Variants in RELL1 observed in about 807,000 individuals in gnomAD.
The protein encoded by RELL1 is RELT-like protein 1.
RELL1 carries 10 observed loss-of-function variants against 23.0 expected under a neutral mutation model. That is an observed-to-expected ratio of 0.43 (90% CI 0.27 to 0.74). The LOEUF (loss-of-function observed/expected upper bound fraction) is 0.74. RELL1 is among the 30% of genes least tolerant of loss of function. The pLI is 0.19. For missense variants in RELL1, 315 were observed against 364.4 expected (o/e 0.86, Z 1.10); for synonymous variants, 146 against 146.8 (o/e 0.99, Z 0.04).
At chr4:37,684,966 G>GA (rs959474584) in intron 1 of RELL1, among the ~76,000 whole-genome samples, 31 of 149,144 alleles carry the variant, frequency 2.1e-4, no homozygotes, top group African/African-American at 3.4e-4. Flanking sequence ...ATAAGGAAAA[G>GA]AAAAAAAAAA....
At chr4:37,633,630 C>A (rs929505269) in intron 5 of RELL1, among the ~76,000 whole-genome samples, 2 of 152,094 alleles carry the variant, frequency 1.3e-5, no homozygotes, top group Non-Finnish European at 2.9e-5. Context: ...AACAGCCCTG[C>A]AAGTCTTCTC....
intron 1 of RELL1, among the ~76,000 whole-genome samples, chr4:37,670,625 C>A (rs922805197): frequency 3.3e-5 from 5 of 150,198 alleles, no homozygotes; most frequent in Non-Finnish European, 7.4e-5. Flanking sequence ...GGCTGGAGTG[C>A]AGTGGTGTGA....
At chr4:37,645,775 T>C (rs970105991) in intron 3 of RELL1, among the ~76,000 whole-genome samples, 1 of 152,238 alleles carries the variant, frequency 6.6e-6, no homozygotes, top group Admixed American at 6.5e-5. Flanking sequence ...AGATTACGTA[T>C]ATAAAGCACC....
downstream of RELL1, chr4:37,590,554 T>C (rs752124793): frequency 5.0e-6 from 8 of 1,614,050 alleles, no homozygotes; most frequent in East Asian, 1.1e-4. Flanking sequence ...CAGAGCTCCT[T>C]CTGAGGCAGA....
downstream of RELL1, chr4:37,590,325 A>T: frequency 1.9e-6 from 3 of 1,613,728 alleles, no homozygotes; most frequent in Non-Finnish European, 2.5e-6. Context: ...GGGACGCTGG[A>T]GGGGAACACC....
chr4:37,660,927 A>C (rs1415468070), intron 1 of RELL1, among the ~76,000 whole-genome samples: 1 of 151,636 alleles, frequency 6.6e-6, no homozygotes, highest in Non-Finnish European at 1.5e-5. Flanking sequence ...GCTACTCGGG[A>C]GGCTGAGGCA....
At chr4:37,593,801 C>T (rs1464073781) in intron 6 of RELL1, among the ~76,000 whole-genome samples, 1 of 152,160 alleles carries the variant, frequency 6.6e-6, no homozygotes, top group East Asian at 1.9e-4. Context: ...TGTGTACATT[C>T]AGTGTGACAC....
intron 5 of RELL1, among the ~76,000 whole-genome samples, chr4:37,633,408 CAAAAAAAAAAAAAAAAAAAAA>C (rs57256942): frequency 6.4e-5 from 4 of 62,990 alleles, no homozygotes; most frequent in Non-Finnish European, 1.2e-4. Context: ...GACTCCACCT[CAAAAAAAAAAAAAAAAAAAAA>C]AAAAAAAAAA....
At chr4:37,669,973 C>G (rs1372875521) in intron 1 of RELL1, among the ~76,000 whole-genome samples, 2 of 151,114 alleles carry the variant, frequency 1.3e-5, no homozygotes, top group Non-Finnish European at 2.9e-5. Flanking sequence ...GACCTTCCCT[C>G]CACTATTGTC....
At chr4:37,590,727 G>T (rs138114150), downstream of RELL1, 5 of 1,614,154 alleles carry the variant, frequency 3.1e-6, no homozygotes, top group East Asian at 4.5e-5. Flanking sequence ...AGCCCCCAGT[G>T]GGGGAGCATG....
chr4:37,673,880 C>T (rs1294463001), intron 1 of RELL1, among the ~76,000 whole-genome samples: 1 of 152,228 alleles, frequency 6.6e-6, no homozygotes, highest in Non-Finnish European at 1.5e-5. Flanking sequence ...AGTCTCCCCT[C>T]TGCAGCCTCA....
intron 1 of RELL1, among the ~76,000 whole-genome samples, chr4:37,676,140 C>G (rs1044940042): frequency 6.6e-6 from 1 of 152,134 alleles, no homozygotes; most frequent in Non-Finnish European, 1.5e-5. Context: ...CCAACCCCAG[C>G]CCTAGGTTAG....
In RELL1 at chr4:37,611,826, G is replaced by C. The variant is rs1719392089; in HGVS notation, c.*1520C>G. Among the ~76,000 whole-genome samples the C allele has an allele frequency of 6.6e-6, 1 of 152,148 alleles. No individual in the cohort carries two copies. Among genetic ancestry groups the C allele is most frequent in the Non-Finnish European group, 1.5e-5 (1 of 68,022 alleles). On this transcript the variant is annotated 3_prime_UTR_variant, in exon 7 of 7. Coordinates refer to ENST00000454158, the MANE Select transcript of RELL1 (RefSeq NM_001085400.2). ...AGCATTAGTTACAGGATGAAAAACA[G>C]GAAATACACAAAGAAAAACATGCCA...
intron 6 of RELL1, among the ~76,000 whole-genome samples, chr4:37,599,220 A>C (rs1171217079): frequency 6.6e-6 from 1 of 152,240 alleles, no homozygotes; most frequent in African/African-American, 2.4e-5. Flanking sequence ...CTGCTGCCCA[A>C]CGTGCCGCAA....
In RELL1 at chr4:37,611,998, A is replaced by AC. The variant is rs1237758762; in HGVS notation, c.*1347dup. ...AGACCATCTTCGCTAATGCGGTGAA[A>AC]CCCCGTCTCTCCTAAAAATACAAAA... On this transcript the variant is annotated 3_prime_UTR_variant, in exon 7 of 7. Coordinates refer to ENST00000454158, the MANE Select transcript of RELL1 (RefSeq NM_001085400.2). Among the ~76,000 whole-genome samples the AC allele has an allele frequency of 1.3e-5, 2 of 150,954 alleles. No homozygotes were observed. The highest frequency in any genetic ancestry group is 2.4e-5 in the African/African-American group (1 of 40,988).
At chr4:37,653,390 C>A (rs868259373) in intron 1 of RELL1, among the ~76,000 whole-genome samples, 22 of 145,018 alleles carry the variant, frequency 1.5e-4, no homozygotes, top group Admixed American at 4.7e-4. Context: ...AGTATTGAAA[C>A]CTCAATATTC....
In RELL1 at chr4:37,612,103, G is replaced by C. The variant is rs1719406253; in HGVS notation, c.*1243C>G. The stretch of plus-strand genomic sequence containing the variant: ...GAGGCAGGAGAATGGCGTGAACTCA[G>C]AAGGTGGAGCTTGCAGTGAGCTGAG... On this transcript the variant is annotated 3_prime_UTR_variant, in exon 7 of 7. Coordinates refer to ENST00000454158, the MANE Select transcript of RELL1 (RefSeq NM_001085400.2). Among the ~76,000 whole-genome samples the C allele has an allele frequency of 6.9e-6, 1 of 143,994 alleles. No individual in the cohort carries two copies. The allele number at this position is 143,994 out of a possible 152,430, so 94.5% of individuals were successfully genotyped here.
At chr4:37,676,180 G>A (rs1722019939) in intron 1 of RELL1, among the ~76,000 whole-genome samples, 1 of 152,070 alleles carries the variant, frequency 6.6e-6, no homozygotes, top group African/African-American at 2.4e-5. Flanking sequence ...TACTTTCCTT[G>A]ACAAGGTACT....
In RELL1 at chr4:37,625,567, G is replaced by A. The variant is rs575857009; in HGVS notation, c.*3+5818C>T. Among the ~76,000 whole-genome samples the A allele has an allele frequency of 6.8e-4, 104 of 152,188 alleles. 1 individual carries two copies. The highest frequency in any genetic ancestry group is 2.3e-3 in the African/African-American group (97 of 41,512). ...GGGGCAAAATGGGAAGGGAGGGTTG[G>A]GGAGATGATGGTCAAAGGACATAAA... is the stretch of plus-strand genomic sequence containing the variant. On this transcript the variant is annotated intron_variant, in intron 6 of 6. Coordinates refer to ENST00000454158, the MANE Select transcript of RELL1 (RefSeq NM_001085400.2).
Sources: gnomAD v4.1 joint callset for allele counts (sites outside exome capture counted in the v4.1 genomes callset) on GRCh38, gnomAD v4.1.1 for gene constraint, MANE v1.5 for transcripts, NCBI Gene and HGNC (gene_info 2026-07-23, HGNC 2026-07-21) for gene names.